ADCY8: variants seen among roughly 807,000 people sequenced by gnomAD.
ADCY8 encodes adenylate cyclase type 8.
A neutral mutation model predicts 119.7 loss-of-function variants in ADCY8; 51 were observed. The ratio of observed to expected loss-of-function variants is 0.43; its 90% CI spans 0.34 to 0.54. ADCY8 has a LOEUF of 0.54. ADCY8 is among the 20% of genes least tolerant of loss of function. The probability of loss-of-function intolerance (pLI) is 0.03; values close to 1 mark genes in which losing one functional copy is unlikely to be tolerated. For synonymous variants in ADCY8, 665 were observed against 651.0 expected (o/e 1.02, Z -0.33); for missense variants, 1,383 against 1,598.8 (o/e 0.87, Z 2.30).
chr8:130,973,243 T>C (rs1722214419), intron 2 of ADCY8, among the ~76,000 whole-genome samples: 1 of 152,252 alleles, frequency 6.6e-6, no homozygotes, highest in Non-Finnish European at 1.5e-5. Flanking sequence ...TGCTTGCACA[T>C]ATGTGCATAA....
chr8:130,998,519 A>AGGGTCTTGAAGCTTT (rs1407976198), intron 1 of ADCY8, among the ~76,000 whole-genome samples: 1 of 152,120 alleles, frequency 6.6e-6, no homozygotes, highest in Non-Finnish European at 1.5e-5. Flanking sequence ...CAGACCATGG[A>AGGGTCTTGAAGCTTT]GGGTCTTGAA....
chr8:130,959,172 G>A (rs1821524575), intron 2 of ADCY8, among the ~76,000 whole-genome samples: 1 of 152,126 alleles, frequency 6.6e-6, no homozygotes, highest in African/African-American at 2.4e-5. Flanking sequence ...CTATATTAAA[G>A]TATATATTGA....
chr8:131,018,474 A>G (rs1343800034), intron 1 of ADCY8, among the ~76,000 whole-genome samples: 2 of 152,306 alleles, frequency 1.3e-5, no homozygotes, highest in East Asian at 3.9e-4. Context: ...TAAAATTTCC[A>G]TGAAGCATGT....
chr8:130,780,565 G>C lies in ADCY8; in HGVS notation c.3581C>G (p.Ala1194Gly), dbSNP rs773491638. The C allele has an allele frequency of 6.2e-7, 1 of 1,614,138 alleles. No individual in the cohort carries two copies. The highest frequency in any genetic ancestry group is 8.5e-7 in the Non-Finnish European group (1 of 1,180,020). ...GGACTGGACAAGTCCCAGGACAACCGCGGCCAGGGAGTACTGCCCAGGCAG... is the reference window on the plus strand; with the variant it reads ...GGACTGGACAAGTCCCAGGACAACCCCGGCCAGGGAGTACTGCCCAGGCAG... ...RRLPGQYSLA[A>G]VVLGLVQSLN... is the part of the protein sequence containing the mutation. Residue 1194 changes from alanine (A) to glycine (G), a missense_variant, in exon 18 of 18, where the codon GCG becomes GGG. This residue lies in a region of ADCY8 where 928 missense variants were observed against 1,163.5 expected (regional missense o/e 0.80). Transcript: ENST00000286355.
intron 9 of ADCY8, among the ~76,000 whole-genome samples, chr8:130,856,539 C>T (rs1239011437): frequency 1.3e-5 from 2 of 152,150 alleles, no homozygotes; most frequent in African/African-American, 4.8e-5. Context: ...CTCGCCACCC[C>T]GAGGTGCCTT....
chr8:130,799,315 G>A (rs1033403504), intron 15 of ADCY8, among the ~76,000 whole-genome samples: 13 of 152,308 alleles, frequency 8.5e-5, no homozygotes, highest in African/African-American at 3.1e-4. Context: ...TGTAAGATGT[G>A]AGGTGATGGA....
chr8:130,820,868 C>T (rs1384810887), intron 13 of ADCY8, among the ~76,000 whole-genome samples: 1 of 152,198 alleles, frequency 6.6e-6, no homozygotes, highest in Non-Finnish European at 1.5e-5. Context: ...CTCAAGACAG[C>T]CCTATTTAGG....
At chr8:130,859,342 A>C (rs1817852067) in intron 9 of ADCY8, among the ~76,000 whole-genome samples, 1 of 152,208 alleles carries the variant, frequency 6.6e-6, no homozygotes, top group East Asian at 1.9e-4. Context: ...CCATTCCAAC[A>C]ATGAGAAAAC....
chr8:131,036,830 A>G (rs1038350932), intron 1 of ADCY8, among the ~76,000 whole-genome samples: 4 of 152,184 alleles, frequency 2.6e-5, no homozygotes, highest in African/African-American at 9.7e-5. Context: ...TGAAGAGAAT[A>G]CAAGAGAAGA....
At chr8:130,883,330 T>A (rs1208184460) in intron 8 of ADCY8, among the ~76,000 whole-genome samples, 1 of 152,186 alleles carries the variant, frequency 6.6e-6, no homozygotes, top group African/African-American at 2.4e-5. Flanking sequence ...CCTTAAGCCC[T>A]TAATTATATG....
intron 12 of ADCY8, among the ~76,000 whole-genome samples, chr8:130,826,859 A>C (rs1181126068): frequency 6.7e-6 from 1 of 149,698 alleles, no homozygotes; most frequent in African/African-American, 2.4e-5. Flanking sequence ...TTGTAACAAC[A>C]GGTGCACAGT....
chr8:130,948,608 T>C (rs1016637590), intron 3 of ADCY8, among the ~76,000 whole-genome samples: 1 of 145,648 alleles, frequency 6.9e-6, no homozygotes, highest in Non-Finnish European at 1.5e-5. Flanking sequence ...AAGACTTAGA[T>C]GTGTACAGCA....
intron 9 of ADCY8, among the ~76,000 whole-genome samples, chr8:130,851,377 G>A (rs1253661622): frequency 6.6e-6 from 1 of 152,180 alleles, no homozygotes; most frequent in Non-Finnish European, 1.5e-5. Flanking sequence ...ATTGGGTTAG[G>A]CTGTGAAGGT....
intron 15 of ADCY8, among the ~76,000 whole-genome samples, chr8:130,798,989 C>G (rs1815679424): frequency 1.3e-5 from 2 of 152,070 alleles, no homozygotes; most frequent in South Asian, 4.1e-4. Context: ...TTTGCAACAA[C>G]ATGGATGGGT....
In ADCY8 at chr8:131,040,001, T is replaced by C. The variant is rs1281930221; in HGVS notation, c.333A>G (p.Glu111=). The C allele has an allele frequency of 4.5e-6, 7 of 1,565,432 alleles. No homozygotes were observed. The highest frequency in any genetic ancestry group is 1.9e-5 in the Admixed American group (1 of 53,440). ...HSTCGTKVFP[E]RSGSGSASGS... is the part of the protein sequence containing the mutation. ...CGCTGGCACTGCCGCTCCCGCTGCG[T>C]TCCGGGAAGACTTTGGTGCCGCAGG... The change falls in exon 1 of 18, where the codon GAA becomes GAG. Residue 111 remains glutamate (E), a synonymous_variant. Transcript: ENST00000286355.
At chr8:130,962,215 T>C (rs1219900217) in intron 2 of ADCY8, among the ~76,000 whole-genome samples, 1 of 152,230 alleles carries the variant, frequency 6.6e-6, no homozygotes, top group African/African-American at 2.4e-5. Flanking sequence ...AAGCCCATTT[T>C]CAACACTTTT....
chr8:130,872,977 G>C (rs993167042), intron 8 of ADCY8, among the ~76,000 whole-genome samples: 2 of 152,142 alleles, frequency 1.3e-5, no homozygotes, highest in African/African-American at 4.8e-5. Flanking sequence ...TAGTCATGAG[G>C]GTCAATGGGT....
rs1375578788 is a variant in ADCY8, at chr8:130,780,460, G to A, written c.3686C>T (p.Thr1229Ile). The change falls in exon 18 of 18, where the codon ACT becomes ATT. Residue 1229 changes from threonine to isoleucine, a missense_variant. Thr to Ile is a moderately conservative substitution (Grantham distance 89). Coordinates refer to ENST00000286355, the MANE Select transcript of ADCY8 (RefSeq NM_001115.3). ...GIIKGHYNRR[T>I]LLSPSGTEPG... is the part of the protein sequence containing the mutation. ...CTCTGTGCCGCTGGGTGACAACAAA[G>A]TCCGCCGGTTGTAATGACCCTTGAT... 1 of 1,613,404 alleles carries A rather than the reference G, an allele frequency of 6.2e-7. No individual in the cohort carries two copies. Among genetic ancestry groups the A allele is most frequent in the Non-Finnish European group, 8.5e-7 (1 of 1,179,924 alleles).
At chr8:130,898,040 G>T (rs1376978039) in intron 7 of ADCY8, among the ~76,000 whole-genome samples, 2 of 151,390 alleles carry the variant, frequency 1.3e-5, no homozygotes, top group Non-Finnish European at 3.0e-5. Flanking sequence ...CAGATGACCT[G>T]AAAACAAGGT....
Sources: gnomAD v4.1 joint callset for allele counts (sites outside exome capture counted in the v4.1 genomes callset) on GRCh38, gnomAD v4.1.1 for gene constraint, gnomAD v4.1.1 regional missense constraint, MANE v1.5 for transcripts, NCBI Gene and HGNC (gene_info 2026-07-23, HGNC 2026-07-21) for gene names.